OCRL: variants seen among roughly 807,000 people sequenced by gnomAD.
The protein encoded by OCRL is inositol polyphosphate 5-phosphatase OCRL.
Under a neutral mutation model 78.9 loss-of-function variants are expected in OCRL, and 8 were observed. That is an observed-to-expected ratio of 0.10 (90% confidence interval 0.06 to 0.18). The LOEUF (loss-of-function observed/expected upper bound fraction) is 0.18. Ranked by LOEUF, OCRL falls within the 10% of genes least tolerant of loss-of-function variation. The pLI is 1.00. For synonymous variants in OCRL, 240 were observed against 235.4 expected (o/e 1.02, Z -0.18); for missense variants, 454 against 696.7 (o/e 0.65, Z 3.92).
At chrX:129,552,318 CTG>C (rs1197608109) in intron 4 of OCRL, among the ~76,000 whole-genome samples, 1 of 111,980 alleles carries the variant, frequency 8.9e-6, no homozygotes, top group Non-Finnish European at 1.9e-5. Context: ...TCTGACATGA[CTG>C]TGGATGATGG....
At chrX:129,588,805 G>A (rs1433876822) in intron 21 of OCRL, 81 bp from the exon 22 acceptor site, 2 of 1,102,638 alleles carry the variant, frequency 1.8e-6, no homozygotes, top group East Asian at 6.0e-5. Context: ...AGTCCCTGTA[G>A]GAGCTTGAGG....
At chrX:129,570,215 C>A (rs940446489) in intron 15 of OCRL, among the ~76,000 whole-genome samples, 1 of 111,959 alleles carries the variant, frequency 8.9e-6, no homozygotes, top group Non-Finnish European at 1.9e-5. Flanking sequence ...AGATCTACAG[C>A]CCTATAATCT....
chrX:129,582,787 C>T (rs1415682393), intron 18 of OCRL, among the ~76,000 whole-genome samples: 1 of 111,765 alleles, frequency 8.9e-6, no homozygotes, highest in Non-Finnish European at 1.9e-5. Flanking sequence ...AATATTAAAA[C>T]GCCTAATCCC....
rs753735749 is a variant in OCRL at position 129,582,510 on chromosome X, A to G, written c.2116-1834A>G. 4.4e-5 allele frequency among the ~76,000 whole-genome samples: 5 copies of G among 112,450 alleles called. No homozygotes were observed. In the East Asian group the frequency reaches 1.4e-3, roughly 31 times the overall value. On this transcript the variant is annotated intron_variant, in intron 18 of 23. Transcript: ENST00000371113. The stretch of plus-strand genomic sequence containing the variant: ...ATCTCTGTCTAGTTTTATTCATATC[A>G]TGTATTAGATATTCATGGGAGGAAA...
rs751216662 is a variant in OCRL, at chrX:129,569,440, T to C, written c.1602+41T>C. The stretch of plus-strand genomic sequence containing the variant: ...TACATTCATTTATTTGTGTGTTAAG[T>C]ATCAATTACTAGAGGATTATTTAGA... On this transcript the variant is annotated intron_variant, in intron 15 of 23. Transcript: ENST00000371113. 5 of 1,134,665 alleles carry C rather than the reference T, an allele frequency of 4.4e-6. No homozygotes were observed. In the East Asian group the frequency reaches 9.0e-5, roughly 20 times the overall value. 93.5% of individuals were successfully genotyped at this position (1,134,665 alleles called of 1,213,427 possible). A position where few individuals can be genotyped will look rare whatever the true frequency, so the allele number is the denominator to read the frequency against.
rs1280312755 is a variant in OCRL, at chrX:129,540,811, A to G, written c.107A>G (p.Asn36Ser). Reference protein sequence around the residue: ...EPCALTLAQRNGQYELIIQLH... With the variant: ...EPCALTLAQRSGQYELIIQLH... ...TGCGCCCTGACCCTAGCCCAGAGGA[A>G]CGGGCAATATGAGTAAGTAACCACC... is the stretch of plus-strand genomic sequence containing the variant. Residue 36 changes from asparagine (N) to serine (S), a missense_variant, in exon 2 of 24, where the codon AAC becomes AGC. Asn to Ser is a conservative substitution (Grantham distance 46). This residue lies in a region of OCRL where 177 missense variants were observed against 179.6 expected (regional missense o/e 0.99). Transcript: ENST00000371113. 8.3e-7 allele frequency: 1 copy of G among 1,202,269 alleles called. No individual in the cohort carries two copies. Among genetic ancestry groups the G allele is most frequent in the Non-Finnish European group, 1.1e-6 (1 of 888,160 alleles).
In OCRL at chrX:129,560,536, G is replaced by A. The variant is rs773220948; in HGVS notation, c.723-14G>A. 3.6e-5 allele frequency: 39 copies of A among 1,079,982 alleles called. No individual in the cohort carries two copies. Among genetic ancestry groups the A allele is most frequent in the African/African-American group, 7.3e-5 (4 of 54,792 alleles). The allele number at this position is 1,079,982 out of a possible 1,213,427, so 89.0% of individuals were successfully genotyped here. On this transcript the variant is annotated splice_polypyrimidine_tract_variant and intron_variant, in intron 8 of 23. Transcript: ENST00000371113. ...ATCTTTGTTTTCAAATTATCTTTTC[G>A]TATTATGTATTAGATTTTTTGTTGG...
At chrX:129,572,902 G>A (rs777461984) in intron 15 of OCRL, among the ~76,000 whole-genome samples, 1 of 112,132 alleles carries the variant, frequency 8.9e-6, no homozygotes, top group African/African-American at 3.2e-5. Context: ...GGTATTCACT[G>A]TAGCAGTGAG....
chrX:129,541,577 A>G (rs920610883), intron 2 of OCRL, among the ~76,000 whole-genome samples: 1 of 112,039 alleles, frequency 8.9e-6, no homozygotes, highest in Non-Finnish European at 1.9e-5. Context: ...TATTGTCACT[A>G]ATATCTTATC....
intron 2 of OCRL, 72 bp downstream of exon 2, chrX:129,540,895 C>A: frequency 1.1e-6 from 1 of 882,318 alleles, no homozygotes; most frequent in Non-Finnish European, 1.7e-6. Flanking sequence ...CGCGACGGGT[C>A]ACCCACTGTC....
chrX:129,565,916 T>A (rs1936211175), intron 13 of OCRL, 33 bp downstream of exon 13: 1 of 941,462 alleles, frequency 1.1e-6, no homozygotes, highest in African/African-American at 1.9e-5. Flanking sequence ...GGAACTTTCC[T>A]AGATGGGAGA....
intron 18 of OCRL, among the ~76,000 whole-genome samples, chrX:129,582,819 AGGAATGCATT>A (rs1936461020): frequency 4.0e-5 from 4 of 99,565 alleles, no homozygotes; most frequent in African/African-American, 1.8e-4. Flanking sequence ...GTAGTGTGGG[AGGAATGCATT>A]CAGTATTACC....
intron 18 of OCRL, among the ~76,000 whole-genome samples, chrX:129,582,067 C>G (rs1162656808): frequency 5.5e-5 from 6 of 108,901 alleles, no homozygotes. Flanking sequence ...AGATTTATTT[C>G]ACACTATTTT....
At chrX:129,564,804 T>TG (rs1234750501) in intron 12 of OCRL, among the ~76,000 whole-genome samples, 1 of 110,614 alleles carries the variant, frequency 9.0e-6, no homozygotes, top group African/African-American at 3.3e-5. Context: ...CACACCAGCA[T>TG]GGCACATGTA....
In OCRL at chrX:129,558,723, C is replaced by A; in HGVS notation, c.530C>A (p.Pro177His). ...CAGCCTACTGGGATTCATCGGGAAC[C>A]CCCACCTCCACCCTTTTCAGTGAAT... Reference protein sequence around the residue: ...QNQPTGIHREPPPPPFSVNKM... With the variant: ...QNQPTGIHREHPPPPFSVNKM... Residue 177 changes from proline to histidine, a missense_variant, in exon 7 of 24, where the codon CCC (proline) becomes CAC (histidine). Physicochemically the swap from Pro to His is moderately conservative, Grantham distance 77 (BLOSUM62 -2). Transcript: ENST00000371113. The A allele has an allele frequency of 1.7e-6, 2 of 1,211,880 alleles. No individual in the cohort carries two copies. Among genetic ancestry groups the A allele is most frequent in the African/African-American group, 1.7e-5 (1 of 57,872 alleles).
At chrX:129,548,784 C>T (rs1290569961) in intron 4 of OCRL, among the ~76,000 whole-genome samples, 183 bp downstream of exon 4, 1 of 112,206 alleles carries the variant, frequency 8.9e-6, no homozygotes, top group Non-Finnish European at 1.9e-5. Context: ...TAAGAAAAAG[C>T]AGGTGGCTGG....
chrX:129,567,756 C>T (rs1188861398), intron 14 of OCRL, among the ~76,000 whole-genome samples: 3 of 111,516 alleles, frequency 2.7e-5, no homozygotes, highest in African/African-American at 9.8e-5. Flanking sequence ...AAGGCAAAAA[C>T]GAAGCCATGA....
chrX:129,591,133 C>T lies in OCRL; in HGVS notation c.*863C>T, dbSNP rs1461846750. On this transcript the variant is annotated 3_prime_UTR_variant, in exon 24 of 24. Coordinates refer to ENST00000371113, the MANE Select transcript of OCRL (RefSeq NM_000276.4). ...CTCTGAGACCCATCTCCTGCCTAGA[C>T]ATCCACCTCCAGAGCAACACTGGCC... The T allele has an allele frequency of 8.8e-6, 1 of 113,984 alleles. No individual in the cohort carries two copies. The highest frequency in any genetic ancestry group is 2.8e-4 in the East Asian group (1 of 3,571). 9.4% of individuals were successfully genotyped at this position (113,984 alleles called of 1,213,427 possible).
At chrX:129,578,138 CTT>C (rs1936396989) in intron 18 of OCRL, among the ~76,000 whole-genome samples, 1 of 111,684 alleles carries the variant, frequency 9.0e-6, no homozygotes, top group Non-Finnish European at 1.9e-5. Flanking sequence ...GCCTGCATCT[CTT>C]AACAAAAAGG....
Sources: gnomAD v4.1 joint callset for allele counts (sites outside exome capture counted in the v4.1 genomes callset) on GRCh38, gnomAD v4.1.1 for gene constraint, gnomAD v4.1.1 regional missense constraint, MANE v1.5 for transcripts, NCBI Gene and HGNC (gene_info 2026-07-23, HGNC 2026-07-21) for gene names.